PPFIA4: variants seen among roughly 807,000 people sequenced by gnomAD.
PPFIA4 encodes the protein liprin-alpha-4.
In PPFIA4, 98 loss-of-function variants were observed where a neutral mutation model predicts 145.7. That is an observed-to-expected ratio of 0.67 (90% CI 0.57 to 0.80). PPFIA4 has a LOEUF of 0.80. Ranked by LOEUF, PPFIA4 falls within the 30% of genes least tolerant of loss-of-function variation. PPFIA4 has a pLI of 0.00. For synonymous variants in PPFIA4, 628 were observed against 649.6 expected (o/e 0.97, Z 0.51); for missense variants, 1,457 against 1,632.7 (o/e 0.89, Z 1.85).
At chr1:203,044,858 T>G in intron 6 of PPFIA4, 73 bp downstream of exon 6, 1 of 1,261,012 alleles carries the variant, frequency 7.9e-7, no homozygotes, top group Non-Finnish European at 1.1e-6. Flanking sequence ...CGGCTCTGCC[T>G]TAGTTCAGTA....
intron 14 of PPFIA4, among the ~76,000 whole-genome samples, chr1:203,053,422 A>G (rs1020736713): frequency 6.6e-6 from 1 of 151,986 alleles, no homozygotes; most frequent in Non-Finnish European, 1.5e-5. Context: ...AATCCTAGCT[A>G]CTCGGGAGTC....
rs1249940649 is a variant in PPFIA4, at chr1:203,056,231, G to A, written c.2106+76G>A. 3.1e-6 allele frequency: 5 copies of A among 1,607,658 alleles called. No individual in the cohort carries two copies. In the East Asian group the frequency reaches 1.1e-4, roughly 36 times the overall value. On this transcript the variant is annotated intron_variant, in intron 17 of 29. Transcript: ENST00000295706. ...CCTTTCCTTTCAGCTTCCTCCCCCA[G>A]GGCCCTTGAGTCTGAGTCTGAACTC... is the stretch of plus-strand genomic sequence containing the variant.
chr1:203,052,010 C>G, intron 14 of PPFIA4, 133 bp downstream of exon 14: 1 of 941,520 alleles, frequency 1.1e-6, no homozygotes, highest in Non-Finnish European at 1.5e-6. Flanking sequence ...AGCTGCAGCC[C>G]TGGGGTTGAG....
At chr1:203,052,972 A>G (rs145006439) in intron 14 of PPFIA4, among the ~76,000 whole-genome samples, 1 of 152,350 alleles carries the variant, frequency 6.6e-6, no homozygotes, top group Non-Finnish European at 1.5e-5. Context: ...GATAGCATTT[A>G]TGTAGTGCTT....
At chr1:203,027,955 A>G (rs530639761) in intron 1 of PPFIA4, among the ~76,000 whole-genome samples, 1 of 152,358 alleles carries the variant, frequency 6.6e-6, no homozygotes, top group African/African-American at 2.4e-5. Flanking sequence ...AGGTAGTCCC[A>G]GGGAAGCTGC....
intron 18 of PPFIA4, 123 bp downstream of exon 18, chr1:203,056,631 A>G: frequency 6.5e-6 from 9 of 1,394,284 alleles, no homozygotes; most frequent in Middle Eastern, 1.8e-4. Flanking sequence ...TCTCTTTGAA[A>G]CACCATCAGG....
rs1309543343 is a variant in PPFIA4, at chr1:203,046,323, G to A, written c.1081G>A (p.Ala361Thr). 2 of 1,594,924 alleles carry A rather than the reference G, an allele frequency of 1.3e-6. No homozygotes were observed. Among genetic ancestry groups the A allele is most frequent in the East Asian group, 2.3e-5 (1 of 43,876 alleles). Reference protein sequence around the residue: ...EQKLQQTMRKAETLPEVEAEL... With the variant: ...EQKLQQTMRKTETLPEVEAEL... ...GAAGCTGCAGCAGACGATGCGCAAG[G>A]CAGAGACGCTGCCAGAGGTGGAGGC... The change falls in exon 9 of 30, where the codon GCA becomes ACA. Residue 361 changes from alanine to threonine, a missense_variant. Around this residue, in one of 3 missense-constraint regions of PPFIA4, gnomAD observed 848 missense variants for 1,046.7 expected, o/e 0.81. Coordinates refer to ENST00000295706, the MANE Select transcript of PPFIA4 (RefSeq NM_001304331.2).
At chr1:203,057,831 A>ACCT (rs1661081822) in intron 19 of PPFIA4, among the ~76,000 whole-genome samples, 1 of 152,228 alleles carries the variant, frequency 6.6e-6, no homozygotes, top group Admixed American at 6.5e-5. Context: ...CACCTGAGCT[A>ACCT]AAGTGTGAGG....
chr1:203,075,843 G>A lies in PPFIA4; in HGVS notation c.3574+86G>A, dbSNP rs1662495818. The A allele has an allele frequency of 1.6e-6, 2 of 1,282,086 alleles. No homozygotes were observed. The highest frequency in any genetic ancestry group is 2.2e-5 in the South Asian group (1 of 44,488). The allele number at this position is 1,282,086 out of a possible 1,614,324, so 79.4% of individuals were successfully genotyped here. ...ACCCCAGGGCCGGGCCGGGTGGAGA[G>A]GGGCGAGGCCGAGGCTGGTGCCCCG... On this transcript the variant is annotated intron_variant, in intron 29 of 29. Transcript: ENST00000295706. This position sits in a 1 kb window ranked among gnomAD's most constrained non-coding sequence, Gnocchi z 4.1.
At chr1:203,057,090 G>C in intron 19 of PPFIA4, 140 bp downstream of exon 19, 1 of 1,470,174 alleles carries the variant, frequency 6.8e-7, no homozygotes, top group Non-Finnish European at 9.1e-7. Context: ...CAGATCTGCA[G>C]AAGCAGTTTT....
Position 203,075,407 on chromosome 1 carries a change from G to A in PPFIA4, c.3394-170G>A, listed in dbSNP as rs1662454262. ...GAGTCGCAGGGTTTCCCGATTCACT[G>A]TACAGATGGAAAAACTCAAGGCTAG... is the stretch of plus-strand genomic sequence containing the variant. On this transcript the variant is annotated intron_variant, in intron 28 of 29. Transcript: ENST00000295706. This position sits in a 1 kb window ranked among gnomAD's most constrained non-coding sequence, Gnocchi z 4.1. Among the ~76,000 whole-genome samples the A allele has an allele frequency of 6.6e-6, 1 of 151,906 alleles. No homozygotes were observed. The highest frequency in any genetic ancestry group is 1.5e-5 in the Non-Finnish European group (1 of 67,970).
intron 14 of PPFIA4, among the ~76,000 whole-genome samples, chr1:203,052,894 A>G (rs1005459931): frequency 6.6e-6 from 1 of 152,212 alleles, no homozygotes; most frequent in African/African-American, 2.4e-5. Flanking sequence ...CAGACTGTCT[A>G]TTCAGGCCTG....
At position 203,053,824 on chromosome 1, in the gene PPFIA4, G is replaced by A. The variant is rs773836241; in HGVS notation, c.1692G>A (p.Glu564=). 1.4e-5 allele frequency: 22 copies of A among 1,553,478 alleles called. No individual in the cohort carries two copies. In the Admixed American group the frequency reaches 3.9e-4, roughly 28 times the overall value. ...AAGPAFDSDP[E]ISDVDEDEPG... ...GCCCTGCCTTTGACAGTGACCCTGA[G>A]ATCTCCGACGTGGATGAGGATGAGC... is the stretch of plus-strand genomic sequence containing the variant. The change falls in exon 15 of 30, where the codon GAG becomes GAA. Residue 564 remains glutamate, a synonymous_variant. Transcript: ENST00000295706.
chr1:203,073,562 A>ACATCATC (rs58540924), intron 28 of PPFIA4, among the ~76,000 whole-genome samples: 54,402 of 151,552 alleles, frequency 0.36, 9,843 homozygotes, highest in Non-Finnish European at 0.37. Flanking sequence ...ACTGTCTAGC[A>ACATCATC]CATCATCAGC....
At chr1:203,057,578 CT>C (rs1386606980) in intron 19 of PPFIA4, among the ~76,000 whole-genome samples, 1 of 152,206 alleles carries the variant, frequency 6.6e-6, no homozygotes, top group Non-Finnish European at 1.5e-5. Context: ...GTTCCTCCAC[CT>C]TTTCTTTCTG....
At chr1:203,052,476 C>T (rs979433425) in intron 14 of PPFIA4, among the ~76,000 whole-genome samples, 1 of 152,116 alleles carries the variant, frequency 6.6e-6, no homozygotes, top group Non-Finnish European at 1.5e-5. Flanking sequence ...ATTTAGAGCA[C>T]TGGGGTATTA....
At chr1:203,054,647 A>G (rs1037359811) in intron 15 of PPFIA4, among the ~76,000 whole-genome samples, 3 of 151,220 alleles carry the variant, frequency 2.0e-5, no homozygotes, top group Middle Eastern at 3.2e-3. Context: ...GGTTCAATGT[A>G]TTGCACAGAC....
chr1:203,030,772 C>T (rs192890670), intron 1 of PPFIA4, among the ~76,000 whole-genome samples: 163 of 152,360 alleles, frequency 1.1e-3, no homozygotes, highest in Non-Finnish European at 1.8e-3. Flanking sequence ...CATACTTGCA[C>T]AAGCTCTCAC....
At chr1:203,051,326 A>G (rs138315843) in intron 13 of PPFIA4, 41,191 of 988,330 alleles carry the variant, frequency 0.042, 949 homozygotes, top group Non-Finnish European at 0.046. Context: ...GAAGACCAAA[A>G]AACAAAGACC....
Sources: allele counts gnomAD v4.1 joint callset (sites outside exome capture counted in the v4.1 genomes callset), GRCh38; gene constraint gnomAD v4.1.1; regional missense constraint gnomAD v4.1.1; non-coding constraint Gnocchi (gnomAD v3.1); transcripts MANE v1.5; gene names NCBI Gene and HGNC (gene_info 2026-07-23, HGNC 2026-07-21).